Variants in HIRA observed in about 807,000 individuals in gnomAD.
The protein encoded by HIRA is histone cell cycle regulator, also known as protein HIRA.
Under a neutral mutation model 126.6 loss-of-function variants are expected in HIRA, and 13 were observed. The observed-to-expected ratio is 0.10, with a 90% CI of 0.07 to 0.16. The LOEUF is 0.16. Ranked by LOEUF, HIRA falls within the 10% of genes least tolerant of loss-of-function variation. The pLI is 1.00. For missense variants in HIRA, 834 were observed against 1,314.4 expected (o/e 0.63, Z 5.65); for synonymous variants, 511 against 520.0 (o/e 0.98, Z 0.24).
intron 5 of HIRA, among the ~76,000 whole-genome samples, chr22:19,404,337 T>C (rs2089292059): frequency 6.6e-6 from 1 of 152,136 alleles, no homozygotes; most frequent in African/African-American, 2.4e-5. Flanking sequence ...AATGCAAGGC[T>C]CTGGTTAGGG....
chr22:19,383,753 A>C, intron 12 of HIRA, 48 bp from the exon 13 acceptor site: 1 of 1,373,432 alleles, frequency 7.3e-7, no homozygotes, highest in Non-Finnish European at 1.0e-6. Context: ...TTGGCCAACT[A>C]TTTCCAAATA....
At chr22:19,403,101 C>CA (rs199777922) in intron 5 of HIRA, among the ~76,000 whole-genome samples, 17,731 of 70,140 alleles carry the variant, frequency 0.25, 2,727 homozygotes, top group African/African-American at 0.49. Context: ...GACACAGTCT[C>CA]AAAAAAAAAA....
intron 24 of HIRA, among the ~76,000 whole-genome samples, chr22:19,334,192 G>T (rs1263585694): frequency 1.3e-5 from 2 of 151,328 alleles, no homozygotes; most frequent in East Asian, 2.0e-4. Context: ...AGCAAGGATG[G>T]TCTCGATCTC....
chr22:19,375,871 C>G (rs1363018046), intron 14 of HIRA, 79 bp from the exon 15 acceptor site: 7 of 1,463,244 alleles, frequency 4.8e-6, no homozygotes, highest in Non-Finnish European at 5.6e-6. Context: ...TTATTTGGAG[C>G]CTACTAAAAA....
At chr22:19,334,736 A>G (rs2088544495) in intron 24 of HIRA, among the ~76,000 whole-genome samples, 1 of 152,060 alleles carries the variant, frequency 6.6e-6, no homozygotes, top group South Asian at 2.1e-4. Flanking sequence ...TTTACTTTTA[A>G]GCCATTGTGT....
chr22:19,391,947 G>A (rs1002886091), intron 9 of HIRA, among the ~76,000 whole-genome samples, 154 bp downstream of exon 9: 11 of 152,174 alleles, frequency 7.2e-5, no homozygotes, highest in Non-Finnish European at 1.5e-4. Flanking sequence ...TGGGAGAGCA[G>A]GAGAGCCTGT....
intron 21 of HIRA, among the ~76,000 whole-genome samples, chr22:19,354,655 A>C (rs1423053058): frequency 6.6e-6 from 1 of 152,228 alleles, no homozygotes; most frequent in East Asian, 1.9e-4. Context: ...CCAAAATACA[A>C]AGATGCCTAC....
rs1031780750 is a variant in HIRA at position 19,405,867 on chromosome 22, T to C, written c.316A>G (p.Ser106Gly). The C allele has an allele frequency of 2.0e-6, 3 of 1,497,210 alleles. No homozygotes were observed. In the Admixed American group the frequency reaches 6.4e-5, roughly 32 times the overall value. 92.7% of individuals were successfully genotyped at this position (1,497,210 alleles called of 1,614,324 possible). The stretch of plus-strand genomic sequence containing the variant: ...TTACCACTGGAGCCGAACACGGTGC[T>C]GGGGCCGATGTACCTGTGTGAGAAA... ...VWKRATYIGP[S>G]TVFGSSGKLA... The change falls in exon 5 of 25, where the codon AGC becomes GGC. Residue 106 changes from serine to glycine, a missense_variant. This residue lies in a region of HIRA where 102 missense variants were observed against 191.4 expected (regional missense o/e 0.53). Coordinates refer to ENST00000263208, the MANE Select transcript of HIRA (RefSeq NM_003325.4).
chr22:19,342,812 CACCATTTG>C (rs782430058), intron 24 of HIRA, among the ~76,000 whole-genome samples: 5 of 152,178 alleles, frequency 3.3e-5, no homozygotes, highest in Non-Finnish European at 2.9e-5. Flanking sequence ...TTTATAGCAG[CACCATTTG>C]CAACTGCAAA....
intron 24 of HIRA, among the ~76,000 whole-genome samples, chr22:19,337,695 C>A (rs181071063): frequency 1.3e-5 from 2 of 152,200 alleles, no homozygotes; most frequent in East Asian, 3.9e-4. Context: ...AGATCATCAC[C>A]CAGGTACACA....
intron 11 of HIRA, 141 bp downstream of exon 11, chr22:19,387,570 T>A (rs535040469): frequency 3.3e-5 from 20 of 601,906 alleles, no homozygotes; most frequent in African/African-American, 2.8e-4. Context: ...TTACAAGATA[T>A]AAAAGATGAA....
intron 1 of HIRA, among the ~76,000 whole-genome samples, chr22:19,430,610 G>A (rs1187370943): frequency 6.7e-6 from 1 of 150,312 alleles, no homozygotes; most frequent in Non-Finnish European, 1.5e-5. Flanking sequence ...GTTGATTTCT[G>A]TGCTACAGTG....
chr22:19,394,571 C>A, intron 7 of HIRA, 62 bp from the exon 8 acceptor site: 1 of 1,538,076 alleles, frequency 6.5e-7, no homozygotes, highest in Non-Finnish European at 8.9e-7. Context: ...AAACTCTGGC[C>A]TCGAGGATAA....
chr22:19,372,321 T>C (rs2088973894), intron 15 of HIRA, among the ~76,000 whole-genome samples: 1 of 152,234 alleles, frequency 6.6e-6, no homozygotes, highest in Non-Finnish European at 1.5e-5. Context: ...TTGCTTTGTA[T>C]TTCCCTGATG....
chr22:19,358,582 C>T (rs1304975747), intron 18 of HIRA, among the ~76,000 whole-genome samples: 3 of 152,178 alleles, frequency 2.0e-5, no homozygotes, highest in Admixed American at 2.0e-4. Flanking sequence ...ACAGAACAAA[C>T]AGTGGGGTCC....
intron 5 of HIRA, among the ~76,000 whole-genome samples, chr22:19,403,755 C>T (rs1339470108): frequency 1.3e-5 from 2 of 152,128 alleles, no homozygotes; most frequent in Admixed American, 6.5e-5. Flanking sequence ...TTTCCAGATA[C>T]AATAACCCTG....
Position 19,378,013 on chromosome 22 carries a change from C to A in HIRA, c.1469G>T (p.Gly490Val), listed in dbSNP as rs1345835665. 1 of 1,606,698 alleles carries A rather than the reference C, an allele frequency of 6.2e-7. No individual in the cohort carries two copies. The part of the protein sequence containing the change: ...NSIPLSGSLA[G>V]TMLSSHSSPQ... ...ACTGCTATGAGAAGAGAGCATGGTG[C>A]CCGCCAGGGAGCCCGAGAGGGGGAT... Residue 490 changes from glycine to valine, a missense_variant, in exon 14 of 25, where the codon GGC becomes GTC. By Grantham distance (109) the Gly-to-Val change is moderately radical (BLOSUM62 -3). This residue lies in a region of HIRA where 468 missense variants were observed against 574.2 expected (regional missense o/e 0.82). Coordinates refer to ENST00000263208, the MANE Select transcript of HIRA (RefSeq NM_003325.4).
At chr22:19,391,459 C>CT in intron 9 of HIRA, among the ~76,000 whole-genome samples, 1 of 151,560 alleles carries the variant, frequency 6.6e-6, no homozygotes, top group African/African-American at 2.4e-5. Context: ...GGTGAATACA[C>CT]TTTATATAAA....
chr22:19,396,776 TC>T lies in HIRA; in HGVS notation c.654+10del. 1 of 1,613,246 alleles carries T rather than the reference TC, an allele frequency of 6.2e-7. No individual in the cohort carries two copies. Among genetic ancestry groups the T allele is most frequent in the Non-Finnish European group, 8.5e-7 (1 of 1,179,598 alleles). On this transcript the variant is annotated intron_variant, in intron 7 of 24. Coordinates refer to ENST00000263208, the MANE Select transcript of HIRA (RefSeq NM_003325.4). ...TGCGGGGGCTCAGCTCCCTGAGCTG[TC>T]CCCACTTACCTCATCAAAAGGCTTG...
Sources: allele counts gnomAD v4.1 joint callset (sites outside exome capture counted in the v4.1 genomes callset), GRCh38; gene constraint gnomAD v4.1.1; regional missense constraint gnomAD v4.1.1; transcripts MANE v1.5; gene names NCBI Gene and HGNC (gene_info 2026-07-23, HGNC 2026-07-21).